Variants in CFAP58 observed in about 807,000 individuals in gnomAD.
CFAP58 encodes cilia and flagella associated protein 58.
In CFAP58, 88 loss-of-function variants were observed where a neutral mutation model predicts 119.5. The observed-to-expected ratio is 0.74, with a 90% CI of 0.62 to 0.88. The LOEUF (loss-of-function observed/expected upper bound fraction) is 0.88, where lower values mean the gene tolerates loss of function less well. Among genes scored for constraint, CFAP58 ranks in the 40% least tolerant of loss-of-function variants. CFAP58 has a pLI of 0.00. For synonymous variants in CFAP58, 365 were observed against 366.3 expected (o/e 1.00, Z 0.04); for missense variants, 990 against 1,021.2 (o/e 0.97, Z 0.42).
chr10:104,347,308 G>A, the CFAP58 span, among the ~76,000 whole-genome samples: 1,195 of 152,116 alleles, frequency 7.9e-3, 21 homozygotes, highest in African/African-American at 0.024. Context: ...TTTGTCTGGA[G>A]ACCCTTTGGG....
chr10:104,401,764 T>A (rs531303856), intron 13 of CFAP58, among the ~76,000 whole-genome samples: 2 of 151,994 alleles, frequency 1.3e-5, no homozygotes, highest in South Asian at 4.2e-4. Flanking sequence ...TTTTCTTTTT[T>A]TTTTTCTTTT....
At chr10:104,411,708 C>T (rs963093129) in intron 15 of CFAP58, among the ~76,000 whole-genome samples, 2 of 151,796 alleles carry the variant, frequency 1.3e-5, no homozygotes, top group African/African-American at 2.4e-5. Context: ...TATACTAGAA[C>T]CTCAAACTCT....
intron 15 of CFAP58, among the ~76,000 whole-genome samples, chr10:104,442,882 C>T (rs1225714701): frequency 6.6e-6 from 1 of 152,198 alleles, no homozygotes; most frequent in Non-Finnish European, 1.5e-5. Context: ...GTGAATTATG[C>T]AAGCTCTGCT....
chr10:104,414,031 A>T (rs1031472849), intron 15 of CFAP58, among the ~76,000 whole-genome samples: 1 of 152,166 alleles, frequency 6.6e-6, no homozygotes, highest in Non-Finnish European at 1.5e-5. Context: ...ATGATCAGAA[A>T]CAGCAACTGG....
intron 3 of CFAP58, among the ~76,000 whole-genome samples, 170 bp downstream of exon 3, chr10:104,362,341 T>C (rs759032785): frequency 1.1e-4 from 17 of 152,220 alleles, no homozygotes; most frequent in Non-Finnish European, 2.1e-4. Flanking sequence ...AGTAATGTTC[T>C]TTTCTCCACA....
chr10:104,346,953 C>A, the CFAP58 span, among the ~76,000 whole-genome samples: 3 of 151,916 alleles, frequency 2.0e-5, no homozygotes, highest in African/African-American at 4.9e-5. Flanking sequence ...GCTTTTTAAC[C>A]AATCTGGTCC....
chr10:104,387,661 G>T (rs1301616553), intron 9 of CFAP58, among the ~76,000 whole-genome samples: 1 of 152,134 alleles, frequency 6.6e-6, no homozygotes, highest in African/African-American at 2.4e-5. Context: ...GGCATGGTAA[G>T]TTGTGATCTA....
intron 9 of CFAP58, among the ~76,000 whole-genome samples, chr10:104,389,136 C>T (rs1174952942): frequency 6.6e-6 from 1 of 152,208 alleles, no homozygotes; most frequent in Non-Finnish European, 1.5e-5. Flanking sequence ...AGGATTTGAA[C>T]TTCTGCATGA....
In CFAP58 at chr10:104,406,805, G is replaced by A; in HGVS notation, c.2256+12G>A. 6.2e-7 allele frequency: 1 copy of A among 1,606,982 alleles called. No homozygotes were observed. The highest frequency in any genetic ancestry group is 8.5e-7 in the Non-Finnish European group (1 of 1,173,574). ...AGCTGCTCCTCCAGGTAGCATTTTT[G>A]TTTTCTGTACTCATTGTACAAGTCC... is the stretch of plus-strand genomic sequence containing the variant. On this transcript the variant is annotated intron_variant, in intron 15 of 17. Coordinates refer to ENST00000369704, the MANE Select transcript of CFAP58 (RefSeq NM_001008723.2).
chr10:104,370,475 CT>C (rs1162436311), intron 6 of CFAP58, among the ~76,000 whole-genome samples: 6 of 152,114 alleles, frequency 3.9e-5, no homozygotes, highest in Admixed American at 2.0e-4. Flanking sequence ...GGGAACTCCT[CT>C]TTTTAAAACC....
intron 15 of CFAP58, among the ~76,000 whole-genome samples, chr10:104,445,709 A>G (rs1486004444): frequency 6.6e-6 from 1 of 152,204 alleles, no homozygotes; most frequent in Admixed American, 6.5e-5. Context: ...CTTGGGGTAT[A>G]TCATCACTAG....
At chr10:104,362,581 C>T (rs2014684932) in intron 3 of CFAP58, among the ~76,000 whole-genome samples, 1 of 152,178 alleles carries the variant, frequency 6.6e-6, no homozygotes, top group East Asian at 1.9e-4. Context: ...GCTCTTCCCT[C>T]CTCCTGCTCC....
At position 104,393,236 on chromosome 10, in the gene CFAP58, G is replaced by A. The variant is rs781047705; in HGVS notation, c.1528-93G>A. 687 of 1,119,512 alleles carry A rather than the reference G, an allele frequency of 6.1e-4. 3 individuals carry two copies. Among genetic ancestry groups the A allele is most frequent in the Admixed American group, 6.1e-4 (28 of 46,262 alleles). The allele number at this position is 1,119,512 out of a possible 1,614,324, so 69.3% of individuals were successfully genotyped here. On this transcript the variant is annotated intron_variant, in intron 10 of 17. Transcript: ENST00000369704. ...ATCAAGAGACCATTGTTTTGAGAGA[G>A]CGTCCCTTAAAAGCTCTGAAATATA...
rs778942405 is a variant in CFAP58, at chr10:104,357,875, ATG to A, written c.10-464_10-463del. 1.2e-3 allele frequency among the ~76,000 whole-genome samples: 144 copies of A among 115,334 alleles called. 5 individuals carry two copies. Among genetic ancestry groups the A allele is most frequent in the East Asian group, 3.8e-3 (17 of 4,506 alleles). The allele number at this position is 115,334 out of a possible 152,430, so 75.7% of individuals were successfully genotyped here. On this transcript the variant is annotated intron_variant, in intron 1 of 17. Coordinates refer to ENST00000369704, the MANE Select transcript of CFAP58 (RefSeq NM_001008723.2). Reference sequence around the variant, plus strand: ...CATATATACACATATATACACATATATGTACACATATATAAACATATATGTAC... The same window carrying A: ...CATATATACACATATATACACATATATACACATATATAAACATATATGTAC...
intron 15 of CFAP58, among the ~76,000 whole-genome samples, chr10:104,428,943 G>C (rs2012798213): frequency 6.6e-6 from 1 of 152,232 alleles, no homozygotes; most frequent in Non-Finnish European, 1.5e-5. Context: ...GAGGCTGCTG[G>C]AGGAGACACT....
the CFAP58 span, among the ~76,000 whole-genome samples, chr10:104,343,330 T>C: frequency 6.6e-6 from 1 of 152,224 alleles, no homozygotes. Context: ...GATTATTTAC[T>C]GACAAAAATT....
At chr10:104,381,260 G>T (rs1318693280) in intron 9 of CFAP58, among the ~76,000 whole-genome samples, 1 of 152,226 alleles carries the variant, frequency 6.6e-6, no homozygotes, top group Admixed American at 6.5e-5. Context: ...CTGCTTAGGA[G>T]AGAGAAGGCT....
At chr10:104,350,136 C>T (rs7912499), upstream of CFAP58, among the ~76,000 whole-genome samples, 101 of 152,326 alleles carry the variant, frequency 6.6e-4, no homozygotes, top group African/African-American at 2.4e-3. Flanking sequence ...TGATGCTCCT[C>T]AAGGGAGAAG....
At position 104,394,900 on chromosome 10, in the gene CFAP58, G is replaced by A. The variant is rs17828465; in HGVS notation, c.1674+1425G>A. Among the ~76,000 whole-genome samples the A allele has an allele frequency of 8.9e-3, 1,358 of 152,254 alleles. 19 individuals carry two copies. Among genetic ancestry groups the A allele is most frequent in the Admixed American group, 0.039 (589 of 15,288 alleles). ...GGGTTTATTTATTGCTGAATGAATC[G>A]GAAGAAACTTATTTTAAACATTGCT... On this transcript the variant is annotated intron_variant, in intron 11 of 17. Coordinates refer to ENST00000369704, the MANE Select transcript of CFAP58 (RefSeq NM_001008723.2).
Sources: allele counts gnomAD v4.1 joint callset (sites outside exome capture counted in the v4.1 genomes callset), GRCh38; gene constraint gnomAD v4.1.1; transcripts MANE v1.5; gene names NCBI Gene and HGNC (gene_info 2026-07-23, HGNC 2026-07-21).